LOXL2: variants seen among roughly 807,000 people sequenced by gnomAD.
The protein encoded by LOXL2 is lysyl oxidase like 2.
Under a neutral mutation model 93.0 loss-of-function variants are expected in LOXL2, and 70 were observed. That is an observed-to-expected ratio of 0.75 (90% confidence interval 0.62 to 0.92). The LOEUF (loss-of-function observed/expected upper bound fraction) is 0.92. LOXL2 is among the 40% of genes least tolerant of loss of function. The probability of loss-of-function intolerance (pLI) is 0.00; values close to 1 mark genes in which losing one functional copy is unlikely to be tolerated. For missense variants in LOXL2, 973 were observed against 1,054.9 expected (o/e 0.92, Z 1.08); for synonymous variants, 438 against 413.2 (o/e 1.06, Z -0.73).
chr8:23,328,708 G>GCT, intron 5 of LOXL2, 143 bp from the exon 6 acceptor site: 1 of 422,716 alleles, frequency 2.4e-6, no homozygotes, highest in Non-Finnish European at 4.2e-6. Flanking sequence ...TTGATGTATG[G>GCT]ATGTGTGTGT....
At chr8:23,334,637 T>A (rs1201617558) in intron 4 of LOXL2, among the ~76,000 whole-genome samples, 1 of 152,212 alleles carries the variant, frequency 6.6e-6, no homozygotes, top group African/African-American at 2.4e-5. Context: ...TTCCTTTGTA[T>A]GTTTTTTTTT....
chr8:23,324,551 G>A (rs1803548021), intron 6 of LOXL2, among the ~76,000 whole-genome samples: 1 of 152,174 alleles, frequency 6.6e-6, no homozygotes, highest in Non-Finnish European at 1.5e-5. Context: ...CCTGGGCTTG[G>A]CATTCTGCAT....
rs768376724 is a variant in LOXL2, at chr8:23,333,433, G to T, written c.934C>A (p.Pro312Thr). The T allele has an allele frequency of 1.9e-6, 3 of 1,613,766 alleles. No homozygotes were observed. Among genetic ancestry groups the T allele is most frequent in the East Asian group, 4.5e-5 (2 of 44,900 alleles). ...TTGTACGCTTTCCGGAATCTTGAGG[G>T]TCCGTCAGGGCTGAAGACCTGCCCA... Reference protein sequence around the residue: ...VPGQVFSPDGPSRFRKAYKPE... With the variant: ...VPGQVFSPDGTSRFRKAYKPE... The change falls in exon 5 of 14, where the codon CCC becomes ACC. Residue 312 changes from proline (P) to threonine (T), a missense_variant. Transcript: ENST00000389131.
intron 1 of LOXL2, among the ~76,000 whole-genome samples, chr8:23,398,253 G>C (rs1368224779): frequency 6.6e-6 from 1 of 152,164 alleles, no homozygotes; most frequent in African/African-American, 2.4e-5. Flanking sequence ...ATGTTTTATA[G>C]GCAAGTGGCA....
At chr8:23,309,950 C>T (rs767164468) in intron 9 of LOXL2, 39 bp from the exon 10 acceptor site, 4 of 1,423,340 alleles carry the variant, frequency 2.8e-6, no homozygotes, top group Middle Eastern at 1.9e-4. Flanking sequence ...GGCAAGAGAC[C>T]CCTCCCCAGG....
intron 3 of LOXL2, among the ~76,000 whole-genome samples, chr8:23,347,961 C>G (rs1038875279): frequency 6.6e-6 from 1 of 152,070 alleles, no homozygotes; most frequent in African/African-American, 2.4e-5. Flanking sequence ...ACCCAAATGT[C>G]CTTCAATGAT....
At chr8:23,378,365 C>T (rs1432069094) in intron 1 of LOXL2, among the ~76,000 whole-genome samples, 2 of 152,072 alleles carry the variant, frequency 1.3e-5, no homozygotes, top group Non-Finnish European at 2.9e-5. Context: ...CTCTGGCTGT[C>T]CTTAACATTT....
In LOXL2 at chr8:23,384,396, G is replaced by A. The variant is rs145673788; in HGVS notation, c.-83-15962C>T. ...GCTGTCAAGGCCTGAGGCAGTGAGC[G>A]TTGCTGACACAGAGGGGAGAACAGG... On this transcript the variant is annotated intron_variant, in intron 1 of 13. Transcript: ENST00000389131. Among the ~76,000 whole-genome samples, 250 of 152,306 alleles carry A rather than the reference G, an allele frequency of 1.6e-3. 1 individual carries two copies. The Middle Eastern group carries it at 0.037, about 23-fold the overall frequency.
chr8:23,383,821 C>T (rs373665523), intron 1 of LOXL2, among the ~76,000 whole-genome samples: 318 of 151,790 alleles, frequency 2.1e-3, no homozygotes, highest in Middle Eastern at 6.8e-3. Context: ...CCACCACGCC[C>T]GGCTAATTTT....
chr8:23,333,028 G>C (rs987007667), intron 5 of LOXL2, among the ~76,000 whole-genome samples: 2 of 152,016 alleles, frequency 1.3e-5, no homozygotes, highest in Non-Finnish European at 2.9e-5. Flanking sequence ...CCTTTCTGTT[G>C]CAAAATAAAC....
intron 3 of LOXL2, among the ~76,000 whole-genome samples, chr8:23,357,889 G>C (rs529005524): frequency 5.4e-4 from 82 of 152,316 alleles, no homozygotes; most frequent in African/African-American, 1.9e-3. Flanking sequence ...CACCTAAGGG[G>C]ATAATAATTT....
chr8:23,358,503 C>T (rs896252163), intron 3 of LOXL2, among the ~76,000 whole-genome samples: 8 of 152,218 alleles, frequency 5.3e-5, no homozygotes, highest in African/African-American at 1.4e-4. Flanking sequence ...TGAAGCACAG[C>T]GAAGGTTCCT....
chr8:23,318,425 GCACACACACACACACACACA>G (rs59051890), intron 8 of LOXL2, among the ~76,000 whole-genome samples: 9 of 145,750 alleles, frequency 6.2e-5, no homozygotes, highest in Non-Finnish European at 9.0e-5. Context: ...TTGGTTGATA[GCACACACACACACACACACA>G]CACACACACA....
At chr8:23,326,407 G>A (rs1356361717) in intron 6 of LOXL2, among the ~76,000 whole-genome samples, 1 of 152,168 alleles carries the variant, frequency 6.6e-6, no homozygotes, top group East Asian at 1.9e-4. Flanking sequence ...GTAGGCCCTT[G>A]GAGAGCACAA....
At chr8:23,324,520 A>C (rs956150018) in intron 6 of LOXL2, among the ~76,000 whole-genome samples, 3 of 152,022 alleles carry the variant, frequency 2.0e-5, no homozygotes, top group African/African-American at 7.2e-5. Flanking sequence ...GTGTCTGTGG[A>C]CTTCTGGTTC....
chr8:23,398,464 G>A (rs2117242555), intron 1 of LOXL2, among the ~76,000 whole-genome samples: 1 of 152,248 alleles, frequency 6.6e-6, no homozygotes, highest in South Asian at 2.1e-4. Context: ...CCAAGTGAAG[G>A]GATCAAAAGC....
chr8:23,345,045 G>A (rs1355112579), intron 3 of LOXL2, among the ~76,000 whole-genome samples: 1 of 152,218 alleles, frequency 6.6e-6, no homozygotes, highest in Non-Finnish European at 1.5e-5. Flanking sequence ...TTGCAGGCTA[G>A]GTTCCATACA....
intron 1 of LOXL2, among the ~76,000 whole-genome samples, chr8:23,375,084 A>C (rs1309733790): frequency 6.6e-6 from 1 of 152,184 alleles, no homozygotes; most frequent in Non-Finnish European, 1.5e-5. Context: ...TTTAGGTCTA[A>C]CATTTAAGTC....
intron 3 of LOXL2, among the ~76,000 whole-genome samples, chr8:23,351,141 G>A (rs1417804409): frequency 6.6e-6 from 1 of 152,146 alleles, no homozygotes; most frequent in Non-Finnish European, 1.5e-5. Context: ...GTAGGGTCTG[G>A]TGCTGAATCA....
Sources: gnomAD v4.1 joint callset for allele counts (sites outside exome capture counted in the v4.1 genomes callset) on GRCh38, gnomAD v4.1.1 for gene constraint, MANE v1.5 for transcripts, NCBI Gene and HGNC (gene_info 2026-07-23, HGNC 2026-07-21) for gene names.